The following ITPK1 variants were observed in gnomAD, a reference collection of about 807,000 sequenced individuals.
ITPK1 encodes inositol-tetrakisphosphate 1-kinase.
Under a neutral mutation model 45.3 loss-of-function variants are expected in ITPK1, and 21 were observed. The ratio of observed to expected loss-of-function variants is 0.46; its 90% CI spans 0.33 to 0.67. The LOEUF (loss-of-function observed/expected upper bound fraction) is 0.67, where lower values mean the gene tolerates loss of function less well. Among genes scored for constraint, ITPK1 ranks in the 30% least tolerant of loss-of-function variants. The pLI, the probability that ITPK1 is intolerant of heterozygous loss-of-function variation, is 0.02. For missense variants in ITPK1, 474 were observed against 573.5 expected, an observed-to-expected ratio of 0.83 and a Z score of 1.77; for synonymous variants, 258 against 253.6, an observed-to-expected ratio of 1.02 and a Z score of -0.16.
At chr14:92,983,806 C>A (rs1886351900) in intron 5 of ITPK1, among the ~76,000 whole-genome samples, 1 of 148,384 alleles carries the variant, frequency 6.7e-6, no homozygotes, top group South Asian at 2.1e-4. Flanking sequence ...CTGTTTACTG[C>A]AGCCCAGTTT....
chr14:93,098,946 A>G (rs1303840301), intron 2 of ITPK1, among the ~76,000 whole-genome samples: 2 of 152,116 alleles, frequency 1.3e-5, no homozygotes, highest in Non-Finnish European at 1.5e-5. Flanking sequence ...TCAGAAAGGA[A>G]CCATAAGGGA....
chr14:93,089,821 C>A (rs1469485419), intron 2 of ITPK1, among the ~76,000 whole-genome samples: 2 of 152,172 alleles, frequency 1.3e-5, no homozygotes, highest in Non-Finnish European at 2.9e-5. Context: ...TGGCTACAGT[C>A]CCCAAACAGC....
At chr14:93,109,924 G>A (rs958076023) in intron 2 of ITPK1, among the ~76,000 whole-genome samples, 2 of 152,316 alleles carry the variant, frequency 1.3e-5, no homozygotes, top group South Asian at 4.1e-4. Flanking sequence ...CATGGGCAGA[G>A]ACCCACTCAC....
At chr14:93,027,685 G>A (rs12587868) in intron 3 of ITPK1, among the ~76,000 whole-genome samples, 54,446 of 152,058 alleles carry the variant, frequency 0.36, 10,285 homozygotes, top group Non-Finnish European at 0.41. Context: ...CTCAGAGCCC[G>A]TGCACTAGTC....
chr14:93,058,536 T>C (rs184040115), intron 3 of ITPK1, among the ~76,000 whole-genome samples: 209 of 758 alleles, frequency 0.28, 56 homozygotes, highest in South Asian at 0.67. Context: ...GGAGGGGGTG[T>C]GAGTCACGAG....
At chr14:93,064,311 G>C (rs376210926) in intron 3 of ITPK1, among the ~76,000 whole-genome samples, 2 of 152,140 alleles carry the variant, frequency 1.3e-5, no homozygotes, top group South Asian at 4.1e-4. Context: ...TTTTCGTAGA[G>C]ATGGGGTCTC....
chr14:92,961,956 C>T (rs1448186110), intron 7 of ITPK1, among the ~76,000 whole-genome samples: 1 of 152,250 alleles, frequency 6.6e-6, no homozygotes, highest in African/African-American at 2.4e-5. Flanking sequence ...AGGAAGAGAG[C>T]CCTCACCAGA....
chr14:93,096,504 T>C (rs770250618), intron 2 of ITPK1, among the ~76,000 whole-genome samples: 6 of 152,170 alleles, frequency 3.9e-5, no homozygotes, highest in East Asian at 3.8e-4. Context: ...GGGAGGCCAA[T>C]AGATGCCTGT....
At chr14:92,990,877 C>T (rs1425407787) in intron 5 of ITPK1, among the ~76,000 whole-genome samples, 4 of 152,184 alleles carry the variant, frequency 2.6e-5, no homozygotes, top group Non-Finnish European at 5.9e-5. Flanking sequence ...AGCAGGGGCT[C>T]TGGTCGTCTC....
intron 2 of ITPK1, among the ~76,000 whole-genome samples, chr14:93,101,647 G>T (rs140549578): frequency 0.021 from 3,172 of 152,282 alleles, 124 homozygotes; most frequent in African/African-American, 0.073. Context: ...TCAGGAGTTC[G>T]AGACCAGCCT....
chr14:92,961,198 A>G (rs1456982918), intron 7 of ITPK1, among the ~76,000 whole-genome samples: 2 of 152,172 alleles, frequency 1.3e-5, no homozygotes, highest in Non-Finnish European at 2.9e-5. Context: ...AGCATACCCC[A>G]ACATGTGCCC....
At position 92,948,415 on chromosome 14, in the gene ITPK1, G is replaced by A. The variant is rs558184320; in HGVS notation, c.739-1922C>T. ...GTCACCCAGGCTGGAGTGTAGTGGT[G>A]CAATCACGGCTCACTGCAGCCTTGA... is the stretch of plus-strand genomic sequence containing the variant. On this transcript the variant is annotated intron_variant, in intron 9 of 10. Transcript: ENST00000267615. Among the ~76,000 whole-genome samples the A allele has an allele frequency of 5.3e-5, 8 of 152,312 alleles. No individual in the cohort carries two copies. The Middle Eastern group carries it at 0.01, about 194-fold the overall frequency.
chr14:93,039,470 C>A (rs1937002290), intron 3 of ITPK1, among the ~76,000 whole-genome samples: 1 of 152,200 alleles, frequency 6.6e-6, no homozygotes, highest in Non-Finnish European at 1.5e-5. Context: ...CAGCAAGACC[C>A]CTTGTCTACA....
rs573525789 is a variant in ITPK1, at chr14:92,940,006, C to T, written c.*1555G>A. 1.4e-5 allele frequency: 14 copies of T among 985,868 alleles called. No individual in the cohort carries two copies. Among genetic ancestry groups the T allele is most frequent in the South Asian group, 4.7e-5 (1 of 21,292 alleles). The allele number at this position is 985,868 out of a possible 1,614,324, so 61.1% of individuals were successfully genotyped here. On this transcript the variant is annotated 3_prime_UTR_variant, in exon 11 of 11. Coordinates refer to ENST00000267615, the MANE Select transcript of ITPK1 (RefSeq NM_014216.6). ...GGGTTCAAAACTCAAGTCGTGTAAACGTGGTTAGTTGTTGGGTCCTCAGTT... is the reference window on the plus strand; with the variant it reads ...GGGTTCAAAACTCAAGTCGTGTAAATGTGGTTAGTTGTTGGGTCCTCAGTT...
intron 3 of ITPK1, among the ~76,000 whole-genome samples, chr14:93,026,539 G>A (rs918285512): frequency 4.6e-5 from 7 of 152,314 alleles, no homozygotes; most frequent in African/African-American, 7.2e-5. Flanking sequence ...AGATTCAACC[G>A]TCTCGACGGC....
intron 8 of ITPK1, among the ~76,000 whole-genome samples, chr14:92,955,199 C>T (rs562371722): frequency 6.6e-6 from 1 of 152,354 alleles, no homozygotes; most frequent in South Asian, 2.1e-4. Context: ...CACAGCCGTG[C>T]CACTCATTTA....
chr14:93,088,504 C>T (rs1386381729), intron 2 of ITPK1, among the ~76,000 whole-genome samples: 1 of 151,806 alleles, frequency 6.6e-6, no homozygotes, highest in Non-Finnish European at 1.5e-5. Context: ...TACAGTCGTG[C>T]GCCACCATAC....
chr14:93,102,201 G>A (rs1298644893), intron 2 of ITPK1, among the ~76,000 whole-genome samples: 1 of 152,252 alleles, frequency 6.6e-6, no homozygotes, highest in African/African-American at 2.4e-5. Flanking sequence ...GGCCTGGACT[G>A]GCCTCTCCAC....
At chr14:93,070,410 G>A (rs930447929) in intron 3 of ITPK1, 1 of 152,340 alleles carries the variant, frequency 6.6e-6, no homozygotes, top group Non-Finnish European at 1.5e-5. Context: ...GCTGATGCAG[G>A]CCTTCTGCCT....
Sources: allele counts gnomAD v4.1 joint callset (sites outside exome capture counted in the v4.1 genomes callset), GRCh38; gene constraint gnomAD v4.1.1; transcripts MANE v1.5; gene names NCBI Gene and HGNC (gene_info 2026-07-23, HGNC 2026-07-21).